Variants in EXOSC1 observed in about 807,000 individuals in gnomAD.
EXOSC1 encodes the protein exosome component 1, also known as exosome complex component CSL4.
EXOSC1 carries 27 observed loss-of-function variants against 31.4 expected under a neutral mutation model. The ratio of observed to expected loss-of-function variants is 0.86; its 90% CI spans 0.63 to 1.18. The LOEUF is 1.18. Ranked by LOEUF, EXOSC1 falls within the 50% of genes most tolerant of loss-of-function variation. EXOSC1 has a pLI of 0.00. For synonymous variants in EXOSC1, 84 were observed against 89.5 expected, an observed-to-expected ratio of 0.94 and a Z score of 0.35; for missense variants, 228 against 250.3, an observed-to-expected ratio of 0.91 and a Z score of 0.60.
At chr10:97,439,751 G>T (rs1378296725) in intron 4 of EXOSC1, among the ~76,000 whole-genome samples, 1 of 152,084 alleles carries the variant, frequency 6.6e-6, no homozygotes, top group African/African-American at 2.4e-5. Context: ...CTGGTCCCTG[G>T]TGCCAAAAAG....
At chr10:97,437,319 C>T in intron 6 of EXOSC1, 44 bp from the exon 7 acceptor site, 1 of 1,462,076 alleles carries the variant, frequency 6.8e-7, no homozygotes, top group Non-Finnish European at 9.5e-7. Context: ...AGTTAGAAGT[C>T]TTCCCCCACC....
chr10:97,442,003 C>T (rs1018652291), intron 3 of EXOSC1, among the ~76,000 whole-genome samples: 2 of 151,200 alleles, frequency 1.3e-5, no homozygotes, highest in East Asian at 3.9e-4. Flanking sequence ...ATGGTAAAAC[C>T]CCACCTGTAC....
Position 97,441,184 on chromosome 10 carries a change from G to T in EXOSC1, c.298C>A (p.Arg100=). The change falls in exon 4 of 8, where the codon CGA becomes AGA. Residue 100 remains arginine (R), a synonymous_variant. Coordinates refer to ENST00000370902, the MANE Select transcript of EXOSC1 (RefSeq NM_016046.5). ...GATACTTCTTACCGGATAGTTCCTCGAAAAGAGTTCTTAAGAGGCATGGAC... is the reference window on the plus strand; with the variant it reads ...GATACTTCTTACCGGATAGTTCCTCTAAAAGAGTTCTTAAGAGGCATGGAC... ...VGSMPLKNSF[R]GTIRKEDVRA... is the part of the protein sequence containing the mutation. 1 of 1,613,810 alleles carries T rather than the reference G, an allele frequency of 6.2e-7. No individual in the cohort carries two copies. The highest frequency in any genetic ancestry group is 8.5e-7 in the Non-Finnish European group (1 of 1,179,806).
rs1349741152 is a variant in EXOSC1 at position 97,437,244 on chromosome 10, A to ACAC, written c.427_428insGTG (p.Leu143delinsArgVal). 6.2e-7 allele frequency: 1 copy of ACAC among 1,614,164 alleles called. No individual in the cohort carries two copies. Among genetic ancestry groups the ACAC allele is most frequent in the Non-Finnish European group, 8.5e-7 (1 of 1,180,012 alleles). On this transcript the variant is annotated protein_altering_variant, in exon 7 of 8. Coordinates refer to ENST00000370902, the MANE Select transcript of EXOSC1 (RefSeq NM_016046.5). Reference sequence around the variant, plus strand: ...CAGCTCGTTCTCGGCGGTGGTTAGCAGGTAGTTGGACTGTGCATCACCTAA... The same window carrying ACAC: ...CAGCTCGTTCTCGGCGGTGGTTAGCACACGGTAGTTGGACTGTGCATCACCTAA...
chr10:97,443,176 G>A (rs1845770036), intron 3 of EXOSC1, 61 bp downstream of exon 3: 6 of 1,404,586 alleles, frequency 4.3e-6, no homozygotes, highest in Non-Finnish European at 3.0e-6. Flanking sequence ...TGCAGTTCTG[G>A]TATGGTCATG....
At chr10:97,441,486 GTTT>G (rs781273557) in intron 3 of EXOSC1, among the ~76,000 whole-genome samples, 7 of 133,514 alleles carry the variant, frequency 5.2e-5, no homozygotes, top group Non-Finnish European at 8.1e-5. Context: ...GGTGGTATGG[GTTT>G]TTTTTTTTTT....
intron 2 of EXOSC1, chr10:97,444,208 T>C (rs1238928321): frequency 2.0e-5 from 3 of 152,256 alleles, no homozygotes; most frequent in African/African-American, 7.2e-5. Flanking sequence ...TGTTTTCTTC[T>C]ATTTTAAGTG....
Position 97,436,254 on chromosome 10 carries a change from T to A in EXOSC1, c.*191A>T, listed in dbSNP as rs1589459403. 1.2e-5 allele frequency: 6 copies of A among 504,614 alleles called. No homozygotes were observed. In the East Asian group the frequency reaches 2.5e-4, roughly 21 times the overall value. 31.3% of individuals were successfully genotyped at this position (504,614 alleles called of 1,614,324 possible). ...TTTGTTTGTTGGTGCCTTGAAAAGA[T>A]AAGATTTATTACTCAAGAGAATGAA... On this transcript the variant is annotated 3_prime_UTR_variant, in exon 8 of 8. Coordinates refer to ENST00000370902, the MANE Select transcript of EXOSC1 (RefSeq NM_016046.5).
At chr10:97,443,610 C>T (rs1845784720) in intron 2 of EXOSC1, among the ~76,000 whole-genome samples, 1 of 152,146 alleles carries the variant, frequency 6.6e-6, no homozygotes, top group Non-Finnish European at 1.5e-5. Context: ...GCAAGGTCCA[C>T]TTCCCGGGTT....
chr10:97,443,432 T>C, intron 2 of EXOSC1, 121 bp from the exon 3 acceptor site: 1 of 837,162 alleles, frequency 1.2e-6, no homozygotes. Flanking sequence ...TATGGATTCA[T>C]TTATAGCCCA....
Position 97,440,227 on chromosome 10 carries a change from C to T in EXOSC1, c.311+944G>A, listed in dbSNP as rs978194697. Among the ~76,000 whole-genome samples the T allele has an allele frequency of 6.6e-5, 10 of 152,200 alleles. 1 individual carries two copies. Among genetic ancestry groups the T allele is most frequent in the Non-Finnish European group, 1.2e-4 (8 of 68,042 alleles). On this transcript the variant is annotated intron_variant, in intron 4 of 7. Transcript: ENST00000370902. ...CCTCAGGTGATCCGCCCGCCTCGGC[C>T]TCCCAAAGTGCTGGGATTACAGGCA... is the stretch of plus-strand genomic sequence containing the variant.
At chr10:97,440,557 C>A (rs907159939) in intron 4 of EXOSC1, among the ~76,000 whole-genome samples, 2 of 149,776 alleles carry the variant, frequency 1.3e-5, no homozygotes, top group Non-Finnish European at 3.0e-5. Flanking sequence ...CTCGCTCTGT[C>A]CCCCAGGCTG....
intron 5 of EXOSC1, 106 bp from the exon 6 acceptor site, chr10:97,437,856 GA>G: frequency 1.1e-6 from 1 of 894,576 alleles, no homozygotes; most frequent in Non-Finnish European, 1.8e-6. Context: ...CTGGAGGGTA[GA>G]AATCATCATT....
Position 97,436,617 on chromosome 10 carries a change from C to T in EXOSC1, c.482-66G>A, listed in dbSNP as rs1469420555. 9 of 1,468,354 alleles carry T rather than the reference C, an allele frequency of 6.1e-6. No homozygotes were observed. The African/African-American group carries it at 1.2e-4, about 19-fold the overall frequency. 91.0% of individuals were successfully genotyped at this position (1,468,354 alleles called of 1,614,324 possible). A position where few individuals can be genotyped will look rare whatever the true frequency, so the allele number is the denominator to read the frequency against. ...ATTTGCCTGCGACTCCTCTTTTATG[C>T]TGGGTATGAAGCTGAAGTGCCACCA... On this transcript the variant is annotated intron_variant, in intron 7 of 7. Coordinates refer to ENST00000370902, the MANE Select transcript of EXOSC1 (RefSeq NM_016046.5).
In EXOSC1 at chr10:97,445,976, G is replaced by T. The variant is rs1405818419; in HGVS notation, c.10C>A (p.Pro4Thr). 1 of 1,614,098 alleles carries T rather than the reference G, an allele frequency of 6.2e-7. No homozygotes were observed. The highest frequency in any genetic ancestry group is 8.5e-7 in the Non-Finnish European group (1 of 1,180,044). Residue 4 changes from proline to threonine, a missense_variant, in exon 1 of 8, where the codon CCT becomes ACT. Transcript: ENST00000370902. ...TTACCGGGGATGCAGTATCTCACAG[G>T]TGGCGCCATGATTGCCGCTGTCCCA... The part of the protein sequence containing the change: MAP[P>T]VRYCIPGERL...
chr10:97,436,570 T>C lies in EXOSC1; in HGVS notation c.482-19A>G. On this transcript the variant is annotated intron_variant, in intron 7 of 7. Coordinates refer to ENST00000370902, the MANE Select transcript of EXOSC1 (RefSeq NM_016046.5). Reference sequence around the variant, plus strand: ...TGGATACCTGGAAGGGAAAAGCTGGTGGTGGAGCCCAGACCCCAAAGATTT... The same window carrying C: ...TGGATACCTGGAAGGGAAAAGCTGGCGGTGGAGCCCAGACCCCAAAGATTT... 6.3e-7 allele frequency: 1 copy of C among 1,581,844 alleles called. No individual in the cohort carries two copies. Among genetic ancestry groups the C allele is most frequent in the Non-Finnish European group, 8.5e-7 (1 of 1,170,032 alleles).
chr10:97,438,750 A>ATTTTTT lies in EXOSC1; in HGVS notation c.312-53_312-48dup, dbSNP rs11316935. On this transcript the variant is annotated intron_variant, in intron 4 of 7. Transcript: ENST00000370902. ...AAAGATTAATTACCTGTGAGAAAGA[A>ATTTTTT]TTTTTTTTTTTTTTTTTTTTGAGAC... The ATTTTTT allele has an allele frequency of 1.2e-4, 118 of 996,856 alleles. No individual in the cohort carries two copies. The African/African-American group carries it at 2.0e-3, about 17-fold the overall frequency. The allele number at this position is 996,856 out of a possible 1,614,324, so 61.8% of individuals were successfully genotyped here.
Position 97,436,216 on chromosome 10 carries a change from CCAATATCACAGTTTTGTTTGTTGG to C in EXOSC1, c.*205_*228del. ...GACTGTCAGGAGGGATAGGCTATTT[CCAATATCACAGTTTTGTTTGTTGG>C]TGCCTTGAAAAGATAAGATTTATTA... On this transcript the variant is annotated 3_prime_UTR_variant, in exon 8 of 8. Transcript: ENST00000370902. 2.3e-6 allele frequency: 1 copy of C among 428,546 alleles called. No homozygotes were observed. Among genetic ancestry groups the C allele is most frequent in the Middle Eastern group, 6.5e-4 (1 of 1,546 alleles). The allele number at this position is 428,546 out of a possible 1,614,324, so 26.5% of individuals were successfully genotyped here.
chr10:97,438,306 CT>C (rs368628147), intron 5 of EXOSC1, among the ~76,000 whole-genome samples: 12 of 151,588 alleles, frequency 7.9e-5, no homozygotes, highest in African/African-American at 2.9e-4. Context: ...CAGCCTTGGA[CT>C]GCTGGACCAA....
Sources: gnomAD v4.1 joint callset for allele counts (sites outside exome capture counted in the v4.1 genomes callset) on GRCh38, gnomAD v4.1.1 for gene constraint, MANE v1.5 for transcripts, NCBI Gene and HGNC (gene_info 2026-07-23, HGNC 2026-07-21) for gene names.